WWP1: variants seen among roughly 807,000 people sequenced by gnomAD.
The protein encoded by WWP1 is WW domain containing E3 ubiquitin protein ligase 1.
A neutral mutation model predicts 130.6 loss-of-function variants in WWP1; 49 were observed. The ratio of observed to expected loss-of-function variants is 0.38; its 90% CI spans 0.30 to 0.48. The LOEUF is 0.48. WWP1 is among the 20% of genes least tolerant of loss of function. WWP1 has a pLI of 0.99. For synonymous variants in WWP1, 332 were observed against 367.8 expected, an observed-to-expected ratio of 0.90 and a Z score of 1.11; for missense variants, 809 against 1,100.6, an observed-to-expected ratio of 0.74 and a Z score of 3.75.
chr8:86,466,392 A>T (rs1034249151), intron 24 of WWP1, among the ~76,000 whole-genome samples: 2 of 152,152 alleles, frequency 1.3e-5, no homozygotes, highest in African/African-American at 4.8e-5. Flanking sequence ...TCTTCACTGT[A>T]TCACTAGCTT....
chr8:86,388,257 GT>G (rs200843439), intron 5 of WWP1, among the ~76,000 whole-genome samples: 2 of 142,580 alleles, frequency 1.4e-5, no homozygotes, highest in South Asian at 2.2e-4. Flanking sequence ...CAGGTTGTCT[GT>G]TTTTTTTTTC....
chr8:86,403,971 A>G (rs1808141912), intron 8 of WWP1, among the ~76,000 whole-genome samples: 1 of 152,190 alleles, frequency 6.6e-6, no homozygotes, highest in South Asian at 2.1e-4. Flanking sequence ...ATTGTCTTGG[A>G]TTATTCAGAT....
intron 8 of WWP1, among the ~76,000 whole-genome samples, chr8:86,409,738 G>C (rs538066973): frequency 6.6e-6 from 1 of 151,798 alleles, no homozygotes; most frequent in Non-Finnish European, 1.5e-5. Context: ...GCGGGTGCCT[G>C]TAATCCCGGC....
At chr8:86,377,843 A>G (rs1186461146) in intron 3 of WWP1, among the ~76,000 whole-genome samples, 1 of 152,070 alleles carries the variant, frequency 6.6e-6, no homozygotes, top group South Asian at 2.1e-4. Context: ...TTTTTTAGCT[A>G]TTGTGTCTTC....
At chr8:86,418,323 G>A (rs775622339) in intron 9 of WWP1, among the ~76,000 whole-genome samples, 9 of 152,162 alleles carry the variant, frequency 5.9e-5, no homozygotes, top group Non-Finnish European at 1.2e-4. Context: ...TGAATGGTTT[G>A]TAGCGTTTCC....
In WWP1 at chr8:86,457,433, A is replaced by G. The variant is rs528156994; in HGVS notation, c.2395-488A>G. Among the ~76,000 whole-genome samples, 36 of 82,498 alleles carry G rather than the reference A, an allele frequency of 4.4e-4. 1 individual carries two copies. In the East Asian group the frequency reaches 0.01, roughly 24 times the overall value. The allele number at this position is 82,498 out of a possible 152,430, so 54.1% of individuals were successfully genotyped here. ...TATCTGTCTGTCTGTCTGTCTGTCT[A>G]TCTATCTATCTATCTATCTATCTAG... On this transcript the variant is annotated intron_variant, in intron 21 of 24. Coordinates refer to ENST00000517970, the MANE Select transcript of WWP1 (RefSeq NM_007013.4).
chr8:86,374,595 T>C (rs1257495137), intron 3 of WWP1, among the ~76,000 whole-genome samples: 2 of 152,192 alleles, frequency 1.3e-5, no homozygotes, highest in African/African-American at 4.8e-5. Flanking sequence ...ATAAAAAATA[T>C]TTTAACATCC....
intron 7 of WWP1, 48 bp from the exon 8 acceptor site, chr8:86,401,968 ATGT>A (rs772145569): frequency 1.6e-5 from 23 of 1,396,482 alleles, no homozygotes; most frequent in African/African-American, 3.0e-5. Flanking sequence ...TTCTCATGAA[ATGT>A]TGTTGAATTA....
chr8:86,461,101 G>A (rs1272574619), intron 22 of WWP1, 123 bp from the exon 23 acceptor site: 8 of 884,080 alleles, frequency 9.0e-6, no homozygotes, highest in Non-Finnish European at 1.0e-5. Flanking sequence ...GAGCCACCAC[G>A]CCCAACCTTT....
At chr8:86,374,189 G>C in intron 3 of WWP1, 69 bp downstream of exon 3, 1 of 1,257,446 alleles carries the variant, frequency 8.0e-7, no homozygotes, top group Non-Finnish European at 1.1e-6. Flanking sequence ...TAATTCAGCA[G>C]ACTTATTCCA....
At chr8:86,374,172 G>T in intron 3 of WWP1, 52 bp downstream of exon 3, 1 of 1,410,260 alleles carries the variant, frequency 7.1e-7, no homozygotes, top group African/African-American at 1.5e-5. Context: ...CTTTTCTTTT[G>T]AATACCTAAT....
At chr8:86,380,057 C>T (rs946400634) in intron 3 of WWP1, among the ~76,000 whole-genome samples, 1 of 152,124 alleles carries the variant, frequency 6.6e-6, no homozygotes, top group Non-Finnish European at 1.5e-5. Flanking sequence ...AGCCTGTGCA[C>T]AAATGTTCAT....
At chr8:86,424,852 G>GC (rs1173265409) in intron 9 of WWP1, among the ~76,000 whole-genome samples, 1 of 114,222 alleles carries the variant, frequency 8.8e-6, no homozygotes, top group Non-Finnish European at 1.9e-5. Flanking sequence ...GGGGAGGGGA[G>GC]GGGGAGGGGG....
intron 5 of WWP1, among the ~76,000 whole-genome samples, chr8:86,387,783 G>A (rs1452284072): frequency 6.6e-6 from 1 of 152,110 alleles, no homozygotes; most frequent in African/African-American, 2.4e-5. Context: ...CTCAGCCTCT[G>A]AAAGTGCCGG....
chr8:86,457,606 TACAC>T (rs986028045), intron 21 of WWP1, among the ~76,000 whole-genome samples: 3 of 151,764 alleles, frequency 2.0e-5, no homozygotes, highest in African/African-American at 4.8e-5. Context: ...TGTGTGTAAA[TACAC>T]ACACACACCA....
intron 17 of WWP1, among the ~76,000 whole-genome samples, chr8:86,441,199 T>A (rs1269329925): frequency 6.6e-6 from 1 of 152,224 alleles, no homozygotes; most frequent in Non-Finnish European, 1.5e-5. Flanking sequence ...TTCCTAGTTT[T>A]ATATATGTGT....
chr8:86,435,605 G>A, intron 15 of WWP1, 28 bp from the exon 16 acceptor site: 12 of 1,611,468 alleles, frequency 7.4e-6, no homozygotes, highest in Non-Finnish European at 1.0e-5. Context: ...TAACTCAGAT[G>A]ATATTATGAT....
At chr8:86,450,993 C>T (rs1311323100) in intron 20 of WWP1, among the ~76,000 whole-genome samples, 1 of 151,766 alleles carries the variant, frequency 6.6e-6, no homozygotes, top group Non-Finnish European at 1.5e-5. Flanking sequence ...GGGTGGATCA[C>T]TTGAGCCCAG....
intron 9 of WWP1, among the ~76,000 whole-genome samples, chr8:86,422,304 C>T (rs1423447561): frequency 2.0e-5 from 3 of 149,788 alleles, no homozygotes; most frequent in Non-Finnish European, 3.0e-5. Context: ...GTCTTAAACT[C>T]AGAAGTACCA....
Sources: gnomAD v4.1 joint callset for allele counts (sites outside exome capture counted in the v4.1 genomes callset) on GRCh38, gnomAD v4.1.1 for gene constraint, MANE v1.5 for transcripts, NCBI Gene and HGNC (gene_info 2026-07-23, HGNC 2026-07-21) for gene names.